Variants in B3GALNT1 observed in about 807,000 individuals in gnomAD.
B3GALNT1 encodes UDP-GalNAc:beta-1,3-N-acetylgalactosaminyltransferase 1.
In B3GALNT1, 17 loss-of-function variants were observed where a neutral mutation model predicts 27.3. The observed-to-expected ratio is 0.62, with a 90% CI of 0.43 to 0.94. The LOEUF (loss-of-function observed/expected upper bound fraction) is 0.94, where lower values mean the gene tolerates loss of function less well. B3GALNT1 is among the 40% of genes least tolerant of loss of function. The pLI is 0.00. For synonymous variants in B3GALNT1, 141 were observed against 144.0 expected (o/e 0.98, Z 0.15); for missense variants, 347 against 390.0 (o/e 0.89, Z 0.93).
At chr3:161,090,364 ATAT>A (rs779586919) in intron 4 of B3GALNT1, among the ~76,000 whole-genome samples, 4 of 152,164 alleles carry the variant, frequency 2.6e-5, no homozygotes, top group East Asian at 1.9e-4. Flanking sequence ...GTTTCAAATA[ATAT>A]TATTAATCTT....
intron 4 of B3GALNT1, among the ~76,000 whole-genome samples, chr3:161,093,344 A>C (rs1219107790): frequency 6.6e-6 from 1 of 152,222 alleles, no homozygotes; most frequent in Non-Finnish European, 1.5e-5. Flanking sequence ...AACGATACTC[A>C]GGCATGTAGA....
At position 161,103,450 on chromosome 3, in the gene B3GALNT1, A is replaced by T. The variant is rs1032294674; in HGVS notation, c.-153T>A. The T allele has an allele frequency of 1.6e-6, 2 of 1,275,528 alleles. No individual in the cohort carries two copies. Among genetic ancestry groups the T allele is most frequent in the Admixed American group, 2.3e-5 (1 of 43,366 alleles). The allele number at this position is 1,275,528 out of a possible 1,614,324, so 79.0% of individuals were successfully genotyped here. Reference sequence around the variant, plus strand: ...ACCTGTGGAATTCCAGATGAAATTAAAGCTTAAGTTTTTTGTTGTTTTCTG... The same window carrying T: ...ACCTGTGGAATTCCAGATGAAATTATAGCTTAAGTTTTTTGTTGTTTTCTG... On this transcript the variant is annotated 5_prime_UTR_variant, in exon 3 of 5. Coordinates refer to ENST00000320474, the MANE Select transcript of B3GALNT1 (RefSeq NM_003781.4).
At chr3:161,095,634 G>T (rs1194561585) in intron 4 of B3GALNT1, among the ~76,000 whole-genome samples, 1 of 152,200 alleles carries the variant, frequency 6.6e-6, no homozygotes, top group Non-Finnish European at 1.5e-5. Flanking sequence ...GGATTGCCTT[G>T]AAGGCGGGAA....
In B3GALNT1 at chr3:161,085,793, T is replaced by G. The variant is rs1311624458; in HGVS notation, c.962A>C (p.Gln321Pro). Reference sequence around the variant, plus strand: ...GCATGTGGTGTTCCTTAGCATGACCTGCCAAAAAGTGATGATCTCCTTGGA... The same window carrying G: ...GCATGTGGTGTTCCTTAGCATGACCGGCCAAAAAGTGATGATCTCCTTGGA... ...FSSKEIITFW[Q>P]VMLRNTTCHY The change falls in exon 5 of 5, where the codon CAG becomes CCG. Residue 321 changes from glutamine to proline, a missense_variant. Gln to Pro is a moderately conservative substitution (Grantham distance 76). Coordinates refer to ENST00000320474, the MANE Select transcript of B3GALNT1 (RefSeq NM_003781.4). 6.2e-7 allele frequency: 1 copy of G among 1,614,142 alleles called. No homozygotes were observed.
chr3:161,101,299 TTC>T, intron 3 of B3GALNT1, 66 bp from the exon 4 acceptor site: 1 of 996,622 alleles, frequency 1.0e-6, no homozygotes, highest in Non-Finnish European at 1.4e-6. Flanking sequence ...AAGCTGGGCT[TTC>T]TGTGTCTGTT....
intron 2 of B3GALNT1, 67 bp from the exon 3 acceptor site, chr3:161,103,584 ATGT>A (rs1349297119): frequency 1.7e-6 from 1 of 598,460 alleles, no homozygotes; most frequent in Non-Finnish European, 2.5e-6. Context: ...TCTAAAATCA[ATGT>A]TGTATACTTA....
intron 2 of B3GALNT1, 23 bp downstream of exon 2, chr3:161,104,296 C>T: frequency 6.2e-6 from 8 of 1,289,344 alleles, no homozygotes; most frequent in South Asian, 3.7e-5. Context: ...CAGTTGAACA[C>T]TGCAAACCCA....
intron 4 of B3GALNT1, among the ~76,000 whole-genome samples, chr3:161,091,051 T>G (rs1208232635): frequency 1.3e-5 from 2 of 152,066 alleles, no homozygotes; most frequent in Non-Finnish European, 2.9e-5. Context: ...GAGGATCACT[T>G]GAGACCAGGA....
In B3GALNT1 at chr3:161,104,421, G is replaced by A; in HGVS notation, c.-308-15C>T. On this transcript the variant is annotated splice_polypyrimidine_tract_variant and intron_variant, in intron 1 of 4. Coordinates refer to ENST00000320474, the MANE Select transcript of B3GALNT1 (RefSeq NM_003781.4). Reference sequence around the variant, plus strand: ...ACGCAGGCAATCTGTGCAAAACGCAGAGGAAACAAAATCATGAAAGCCCTG... The same window carrying A: ...ACGCAGGCAATCTGTGCAAAACGCAAAGGAAACAAAATCATGAAAGCCCTG... 8.3e-7 allele frequency: 1 copy of A among 1,203,286 alleles called. No individual in the cohort carries two copies. The highest frequency in any genetic ancestry group is 1.1e-6 in the Non-Finnish European group (1 of 919,792). 74.5% of individuals were successfully genotyped at this position (1,203,286 alleles called of 1,614,324 possible).
chr3:161,095,513 G>A (rs911316687), intron 4 of B3GALNT1, among the ~76,000 whole-genome samples: 15 of 152,182 alleles, frequency 9.9e-5, no homozygotes, highest in African/African-American at 3.6e-4. Context: ...GTTTGTAAAA[G>A]GTATAACTGC....
chr3:161,091,336 C>T (rs574719453), intron 4 of B3GALNT1, among the ~76,000 whole-genome samples: 52 of 152,232 alleles, frequency 3.4e-4, no homozygotes, highest in Non-Finnish European at 5.3e-4. Flanking sequence ...CTAGAAATTA[C>T]CCCTGCAGTT....
intron 4 of B3GALNT1, among the ~76,000 whole-genome samples, chr3:161,094,425 T>C (rs183297302): frequency 6.6e-6 from 1 of 152,062 alleles, no homozygotes; most frequent in Non-Finnish European, 1.5e-5. Context: ...TAAATGGAGG[T>C]ATCAGTGTTT....
chr3:161,093,023 C>T (rs1404774118), intron 4 of B3GALNT1, among the ~76,000 whole-genome samples: 1 of 152,036 alleles, frequency 6.6e-6, no homozygotes, highest in African/African-American at 2.4e-5. Context: ...TCCCAAAGTG[C>T]TGGGATTACA....
At chr3:161,092,263 A>G (rs1576690715) in intron 4 of B3GALNT1, among the ~76,000 whole-genome samples, 1 of 152,252 alleles carries the variant, frequency 6.6e-6, no homozygotes, top group South Asian at 2.1e-4. Flanking sequence ...ATGGAATCCT[A>G]TATGATAGCT....
In B3GALNT1 at chr3:161,103,914, A is replaced by T. The variant is rs1026761812; in HGVS notation, c.-220-397T>A. The T allele has an allele frequency of 2.7e-5, 5 of 186,118 alleles. No individual in the cohort carries two copies. In the South Asian group the frequency reaches 4.8e-4, roughly 18 times the overall value. The allele number at this position is 186,118 out of a possible 1,614,324, so 11.5% of individuals were successfully genotyped here. On this transcript the variant is annotated intron_variant, in intron 2 of 4. Coordinates refer to ENST00000320474, the MANE Select transcript of B3GALNT1 (RefSeq NM_003781.4). ...AGCTAATTTTGTATATTTAGTAGAGACGGGGTTTCACCACGTTGGCCAAGC... is the reference window on the plus strand; with the variant it reads ...AGCTAATTTTGTATATTTAGTAGAGTCGGGGTTTCACCACGTTGGCCAAGC...
In B3GALNT1 at chr3:161,104,342, TG is replaced by T. The variant is rs1733125588; in HGVS notation, c.-245del. 1 of 1,289,546 alleles carries T rather than the reference TG, an allele frequency of 7.8e-7. No homozygotes were observed. Among genetic ancestry groups the T allele is most frequent in the African/African-American group, 1.5e-5 (1 of 65,820 alleles). 79.9% of individuals were successfully genotyped at this position (1,289,546 alleles called of 1,614,324 possible). A position where few individuals can be genotyped will look rare whatever the true frequency, so the allele number is the denominator to read the frequency against. On this transcript the variant is annotated 5_prime_UTR_variant, in exon 2 of 5. Coordinates refer to ENST00000320474, the MANE Select transcript of B3GALNT1 (RefSeq NM_003781.4). ...ACCTCTGAAAACAGAAAAAAAGACA[TG>T]GTTTGGCAATTTCTTCCTTGATAGC...
At chr3:161,098,058 T>A (rs1409963180) in intron 4 of B3GALNT1, among the ~76,000 whole-genome samples, 1 of 152,190 alleles carries the variant, frequency 6.6e-6, no homozygotes, top group Non-Finnish European at 1.5e-5. Context: ...TTCTTCATAC[T>A]CCCCTCTCTC....
Position 161,103,494 on chromosome 3 carries a change from A to AAC in B3GALNT1, c.-199_-198dup, listed in dbSNP as rs753387954. 6.2e-6 allele frequency: 8 copies of AAC among 1,280,188 alleles called. No homozygotes were observed. In the African/African-American group the frequency reaches 9.1e-5, roughly 15 times the overall value. 79.3% of individuals were successfully genotyped at this position (1,280,188 alleles called of 1,614,324 possible). On this transcript the variant is annotated 5_prime_UTR_variant, in exon 3 of 5. Coordinates refer to ENST00000320474, the MANE Select transcript of B3GALNT1 (RefSeq NM_003781.4). ...TTTTCTGTATTCCATGCTTAATTAA[A>AAC]ACACTCAGATCTGTTGTGAACTACT... is the stretch of plus-strand genomic sequence containing the variant.
intron 4 of B3GALNT1, among the ~76,000 whole-genome samples, chr3:161,094,223 T>C (rs925474566): frequency 2.0e-5 from 3 of 152,192 alleles, no homozygotes; most frequent in Non-Finnish European, 4.4e-5. Context: ...GAGTTTTAAT[T>C]TCTTGCAACC....
Sources: allele counts gnomAD v4.1 joint callset (sites outside exome capture counted in the v4.1 genomes callset), GRCh38; gene constraint gnomAD v4.1.1; transcripts MANE v1.5; gene names NCBI Gene and HGNC (gene_info 2026-07-23, HGNC 2026-07-21).